The following REEP3 variants were observed in gnomAD, a reference collection of about 807,000 sequenced individuals.
REEP3 encodes the protein receptor accessory protein 3.
REEP3 carries 20 observed loss-of-function variants against 41.3 expected under a neutral mutation model. The ratio of observed to expected loss-of-function variants is 0.48; its 90% CI spans 0.34 to 0.70. The LOEUF (loss-of-function observed/expected upper bound fraction) is 0.70. Among genes scored for constraint, REEP3 ranks in the 30% least tolerant of loss-of-function variants. The probability of loss-of-function intolerance (pLI) is 0.01; values close to 1 mark genes in which losing one functional copy is unlikely to be tolerated. For missense variants in REEP3, 271 were observed against 308.8 expected (o/e 0.88, Z 0.92); for synonymous variants, 104 against 101.8 (o/e 1.02, Z -0.13).
chr10:63,544,617 G>A (rs903303252), intron 1 of REEP3, among the ~76,000 whole-genome samples: 1 of 152,162 alleles, frequency 6.6e-6, no homozygotes, highest in Non-Finnish European at 1.5e-5. Context: ...TGTGTTGTTG[G>A]GGAAAGGGTG....
intron 2 of REEP3, among the ~76,000 whole-genome samples, chr10:63,587,696 C>T (rs1308770713): frequency 2.0e-5 from 3 of 152,142 alleles, no homozygotes; most frequent in Admixed American, 2.0e-4. Context: ...TGCTCCCTGC[C>T]ATCCCAGCCA....
intron 4 of REEP3, among the ~76,000 whole-genome samples, chr10:63,598,483 C>CAAAA (rs59559921): frequency 4.6e-4 from 30 of 65,860 alleles, no homozygotes; most frequent in Non-Finnish European, 4.7e-4. Flanking sequence ...GACTCCATCT[C>CAAAA]AAAAAAAAAA....
At chr10:63,544,439 T>C (rs1040914468) in intron 1 of REEP3, among the ~76,000 whole-genome samples, 1 of 152,136 alleles carries the variant, frequency 6.6e-6, no homozygotes. Flanking sequence ...TGGGAACAGA[T>C]ATGAAAGAGA....
chr10:63,522,780 A>C (rs1955297819), intron 1 of REEP3, among the ~76,000 whole-genome samples: 1 of 152,214 alleles, frequency 6.6e-6, no homozygotes, highest in South Asian at 2.1e-4. Context: ...ATTAAATCGC[A>C]AAGTTTCTAG....
chr10:63,553,724 C>T lies in REEP3; in HGVS notation c.33-12614C>T, dbSNP rs566354157. On this transcript the variant is annotated intron_variant, in intron 1 of 7. Transcript: ENST00000373758. ...CTCATCCTCCTTTAATTTGTAGAGA[C>T]GGATGTATTTCAGGAGAGGAAATTT... Among the ~76,000 whole-genome samples, 19 of 152,176 alleles carry T rather than the reference C, an allele frequency of 1.2e-4. No homozygotes were observed. The East Asian group carries it at 3.1e-3, about 25-fold the overall frequency.
At chr10:63,537,814 C>A (rs144085796) in intron 1 of REEP3, among the ~76,000 whole-genome samples, 132 of 152,228 alleles carry the variant, frequency 8.7e-4, no homozygotes, top group African/African-American at 3.1e-3. Context: ...TCTATGAAAT[C>A]GCCAGGCAGG....
intron 1 of REEP3, among the ~76,000 whole-genome samples, chr10:63,541,886 G>C (rs1353994252): frequency 1.3e-5 from 2 of 152,102 alleles, no homozygotes; most frequent in Non-Finnish European, 2.9e-5. Context: ...TTGTTTTTAT[G>C]AAATTATAAC....
intron 1 of REEP3, among the ~76,000 whole-genome samples, chr10:63,552,749 A>G (rs1955641310): frequency 6.6e-6 from 1 of 152,222 alleles, no homozygotes; most frequent in African/African-American, 2.4e-5. Flanking sequence ...GGATCATCCC[A>G]GACTGCCTTT....
chr10:63,558,138 G>A (rs1564478100), intron 1 of REEP3, among the ~76,000 whole-genome samples: 2 of 152,140 alleles, frequency 1.3e-5, no homozygotes, highest in Non-Finnish European at 2.9e-5. Context: ...TCCCCCCAAA[G>A]GAGACAGGTG....
intron 1 of REEP3, among the ~76,000 whole-genome samples, chr10:63,549,654 G>A (rs1042068332): frequency 2.6e-5 from 4 of 152,226 alleles, no homozygotes; most frequent in Non-Finnish European, 4.4e-5. Flanking sequence ...TACTACTGTA[G>A]TTGATAAAGT....
At chr10:63,608,824 C>G (rs973788139) in intron 5 of REEP3, among the ~76,000 whole-genome samples, 3 of 152,120 alleles carry the variant, frequency 2.0e-5, no homozygotes, top group Non-Finnish European at 4.4e-5. Context: ...TCTGCACTAT[C>G]CAATACAGTA....
chr10:63,554,703 T>C (rs1955661406), intron 1 of REEP3, among the ~76,000 whole-genome samples: 1 of 152,160 alleles, frequency 6.6e-6, no homozygotes, highest in South Asian at 2.1e-4. Flanking sequence ...ACAATCAGGA[T>C]GGAAAAATTG....
chr10:63,564,974 C>T (rs1955783274), intron 1 of REEP3, among the ~76,000 whole-genome samples: 1 of 152,166 alleles, frequency 6.6e-6, no homozygotes, highest in African/African-American at 2.4e-5. Flanking sequence ...GAGAATAATA[C>T]TGGCAGGGCA....
intron 6 of REEP3, among the ~76,000 whole-genome samples, chr10:63,619,411 T>A (rs2133438492): frequency 6.6e-6 from 1 of 152,278 alleles, no homozygotes; most frequent in Non-Finnish European, 1.5e-5. Context: ...TAATTATTTT[T>A]AAAAATGCAT....
At chr10:63,546,886 G>A (rs891249007) in intron 1 of REEP3, among the ~76,000 whole-genome samples, 5 of 151,324 alleles carry the variant, frequency 3.3e-5, no homozygotes, top group Non-Finnish European at 1.5e-5. Context: ...AAATAAAACA[G>A]TAAAGCTTCT....
chr10:63,618,230 CCTT>C (rs1350718867), intron 6 of REEP3, among the ~76,000 whole-genome samples: 3 of 141,730 alleles, frequency 2.1e-5, no homozygotes, highest in East Asian at 2.1e-4. Flanking sequence ...GGATTTCTTT[CCTT>C]CTTCTTTTTT....
At chr10:63,572,493 C>G (rs1044801006) in intron 2 of REEP3, among the ~76,000 whole-genome samples, 4 of 152,028 alleles carry the variant, frequency 2.6e-5, no homozygotes, top group African/African-American at 2.4e-5. Flanking sequence ...TCCAACAGGC[C>G]CCAGTATGTG....
intron 6 of REEP3, 25 bp from the exon 7 acceptor site, chr10:63,619,630 A>G (rs1465151458): frequency 6.3e-7 from 1 of 1,584,030 alleles, no homozygotes; most frequent in East Asian, 2.3e-5. Context: ...TTACCAAAAC[A>G]TGCTGTTTTT....
chr10:63,563,483 C>T (rs566210043), intron 1 of REEP3, among the ~76,000 whole-genome samples: 53 of 152,192 alleles, frequency 3.5e-4, no homozygotes, highest in African/African-American at 1.2e-3. Flanking sequence ...TTCCAAGATT[C>T]CTGGTGGATG....
Sources: gnomAD v4.1 joint callset for allele counts (sites outside exome capture counted in the v4.1 genomes callset) on GRCh38, gnomAD v4.1.1 for gene constraint, MANE v1.5 for transcripts, NCBI Gene and HGNC (gene_info 2026-07-23, HGNC 2026-07-21) for gene names.